Variants in WDFY3 observed in about 807,000 individuals in gnomAD.
WDFY3 encodes WD repeat and FYVE domain containing 3.
In WDFY3, 66 loss-of-function variants were observed where a neutral mutation model predicts 409.6. The ratio of observed to expected loss-of-function variants is 0.16; its 90% CI spans 0.13 to 0.20. The LOEUF is 0.20. WDFY3 is among the 10% of genes least tolerant of loss of function. WDFY3 has a pLI of 1.00. For synonymous variants in WDFY3, 1,521 were observed against 1,537.1 expected (o/e 0.99, Z 0.25); for missense variants, 3,031 against 4,298.1 (o/e 0.71, Z 8.24).
At chr4:84,938,325 A>T (rs534053785) in intron 1 of WDFY3, among the ~76,000 whole-genome samples, 1 of 152,238 alleles carries the variant, frequency 6.6e-6, no homozygotes, top group Admixed American at 6.5e-5. Flanking sequence ...TAAAAGAATC[A>T]TTCTAAAATT....
intron 3 of WDFY3, among the ~76,000 whole-genome samples, chr4:84,869,040 G>A (rs1250087793): frequency 6.6e-6 from 1 of 152,180 alleles, no homozygotes; most frequent in Non-Finnish European, 1.5e-5. Flanking sequence ...TTCTACATAC[G>A]TTTGCTAACC....
chr4:84,817,376 C>G lies in WDFY3; in HGVS notation c.1887+16G>C, dbSNP rs896876264. ...TTTTAGTAGTAAAAGAAGGGAAACA[C>G]ATTTATCAAACTTACCCTTAAAATA... is the stretch of plus-strand genomic sequence containing the variant. On this transcript the variant is annotated intron_variant, in intron 13 of 67. Transcript: ENST00000295888. The G allele has an allele frequency of 6.2e-7, 1 of 1,612,530 alleles. No homozygotes were observed. Among genetic ancestry groups the G allele is most frequent in the Non-Finnish European group, 8.5e-7 (1 of 1,178,966 alleles).
chr4:84,874,234 G>A (rs1336772748), intron 3 of WDFY3, among the ~76,000 whole-genome samples: 4 of 151,814 alleles, frequency 2.6e-5, no homozygotes, highest in Non-Finnish European at 5.9e-5. Flanking sequence ...CCAACATGGT[G>A]AAACCCTGTC....
At chr4:84,836,800 G>T in intron 7 of WDFY3, 129 bp downstream of exon 7, 1 of 808,798 alleles carries the variant, frequency 1.2e-6, no homozygotes, top group Non-Finnish European at 1.7e-6. Flanking sequence ...AATTATATGA[G>T]ATAAAGTCAT....
intron 33 of WDFY3, among the ~76,000 whole-genome samples, 189 bp downstream of exon 33, chr4:84,756,737 T>C (rs930058212): frequency 2.0e-5 from 3 of 151,992 alleles, no homozygotes; most frequent in Admixed American, 6.6e-5. Flanking sequence ...AGGAAAAAAT[T>C]GTAAATAGGG....
At position 84,850,926 on chromosome 4, in the gene WDFY3, CTGTTTTTTTT is replaced by C. The variant is rs1459638767; in HGVS notation, c.181-911_181-902del. Among the ~76,000 whole-genome samples, 238 of 32,132 alleles carry C rather than the reference CTGTTTTTTTT, an allele frequency of 7.4e-3. 12 individuals are homozygous for C. Among genetic ancestry groups the C allele is most frequent in the African/African-American group, 0.027 (222 of 8,228 alleles). The allele number at this position is 32,132 out of a possible 152,430, so 21.1% of individuals were successfully genotyped here. ...AATTCTTATTTTTAATTTTATTTAT[CTGTTTTTTTT>C]TTTTTTTTTTTTTTTTTTTTTTTTT... On this transcript the variant is annotated intron_variant, in intron 4 of 67. Transcript: ENST00000295888.
rs1725367894 is a variant in WDFY3 at position 84,671,010 on chromosome 4, T to C, written c.*1858A>G. 6.6e-6 allele frequency: 1 copy of C among 152,626 alleles called. No individual in the cohort carries two copies. Among genetic ancestry groups the C allele is most frequent in the Non-Finnish European group, 1.5e-5 (1 of 68,044 alleles). The allele number at this position is 152,626 out of a possible 1,614,324, so 9.5% of individuals were successfully genotyped here. ...TTAGAAATGGAAGTGTTTTAATCAA[T>C]TTTGATATGTAATCATAAATAGACT... is the stretch of plus-strand genomic sequence containing the variant. On this transcript the variant is annotated 3_prime_UTR_variant, in exon 68 of 68. Coordinates refer to ENST00000295888, the MANE Select transcript of WDFY3 (RefSeq NM_014991.6).
chr4:84,719,807 TC>T (rs1414859659), intron 47 of WDFY3, among the ~76,000 whole-genome samples: 2 of 152,212 alleles, frequency 1.3e-5, no homozygotes, highest in Non-Finnish European at 2.9e-5. Context: ...GCTCCCCAGT[TC>T]CTAGAAGCCT....
chr4:84,844,623 C>G (rs903256529), intron 5 of WDFY3: 11 of 856,434 alleles, frequency 1.3e-5, no homozygotes, highest in African/African-American at 1.8e-5. Context: ...TGGATTGCTG[C>G]CCATATTGGG....
Position 84,753,839 on chromosome 4 carries a change from T to C in WDFY3, c.5597A>G (p.Glu1866Gly), listed in dbSNP as rs370693449. 5.3e-5 allele frequency: 85 copies of C among 1,606,158 alleles called. No homozygotes were observed. Among genetic ancestry groups the C allele is most frequent in the Non-Finnish European group, 6.9e-5 (81 of 1,176,888 alleles). The change falls in exon 35 of 68, where the codon GAA (glutamate) becomes GGA (glycine). Residue 1866 changes from glutamate (E) to glycine (G), a missense_variant. This residue lies in a region of WDFY3 where 342 missense variants were observed against 463.7 expected (regional missense o/e 0.74). Coordinates refer to ENST00000295888, the MANE Select transcript of WDFY3 (RefSeq NM_014991.6). ...QSEEEGSWLR[E>G]YPVTLMQFFR... is the part of the protein sequence containing the mutation. ...GAACTGCATCAGGGTCACAGGATAT[T>C]CTCGGAGCCAAGATCCCTCTTCTTC...
intron 32 of WDFY3, among the ~76,000 whole-genome samples, chr4:84,760,469 C>T (rs1439704117): frequency 2.6e-5 from 4 of 152,136 alleles, no homozygotes; most frequent in Admixed American, 6.5e-5. Flanking sequence ...TTGATTATTG[C>T]CACAATTTCA....
At chr4:84,810,420 T>C (rs1040916910) in intron 13 of WDFY3, 76 bp from the exon 14 acceptor site, 3 of 1,206,420 alleles carry the variant, frequency 2.5e-6, no homozygotes, top group Non-Finnish European at 3.4e-6. Context: ...TGCATGTATA[T>C]GGAGGTTGTA....
chr4:84,895,252 T>C (rs904889507), intron 3 of WDFY3, among the ~76,000 whole-genome samples: 4 of 152,218 alleles, frequency 2.6e-5, no homozygotes, highest in African/African-American at 9.7e-5. Context: ...CTCTAGGGGC[T>C]CATGGTTAAG....
At chr4:84,764,742 G>A (rs895114183) in intron 32 of WDFY3, among the ~76,000 whole-genome samples, 5 of 151,720 alleles carry the variant, frequency 3.3e-5, no homozygotes, top group East Asian at 1.9e-4. Context: ...GGTGGCAGGC[G>A]CCTGTAGTCC....
chr4:84,836,023 T>TA (rs1052229785), intron 7 of WDFY3, among the ~76,000 whole-genome samples: 1 of 152,160 alleles, frequency 6.6e-6, no homozygotes, highest in African/African-American at 2.4e-5. Flanking sequence ...TTGATTGGGT[T>TA]AAAAAAACAT....
At chr4:84,753,333 T>A (rs1293075321) in intron 35 of WDFY3, among the ~76,000 whole-genome samples, 1 of 152,086 alleles carries the variant, frequency 6.6e-6, no homozygotes, top group African/African-American at 2.4e-5. Flanking sequence ...AAAAAATAAA[T>A]AAATTTGGTC....
At chr4:84,893,366 C>T (rs1365445818) in intron 3 of WDFY3, among the ~76,000 whole-genome samples, 1 of 152,204 alleles carries the variant, frequency 6.6e-6, no homozygotes, top group African/African-American at 2.4e-5. Flanking sequence ...CTTCAAGGTT[C>T]ACAATGTTTG....
chr4:84,686,011 C>A (rs1728246171), intron 62 of WDFY3, among the ~76,000 whole-genome samples: 1 of 152,148 alleles, frequency 6.6e-6, no homozygotes, highest in Non-Finnish European at 1.5e-5. Flanking sequence ...CAGGACCAAC[C>A]CAAGGTGTTG....
At chr4:84,928,355 C>A (rs1313867789) in intron 2 of WDFY3, among the ~76,000 whole-genome samples, 1 of 152,194 alleles carries the variant, frequency 6.6e-6, no homozygotes, top group Non-Finnish European at 1.5e-5. Context: ...ATGCTACCAG[C>A]TTCCCTGGTT....
Sources: gnomAD v4.1 joint callset for allele counts (sites outside exome capture counted in the v4.1 genomes callset) on GRCh38, gnomAD v4.1.1 for gene constraint, gnomAD v4.1.1 regional missense constraint, MANE v1.5 for transcripts, NCBI Gene and HGNC (gene_info 2026-07-23, HGNC 2026-07-21) for gene names.